The following UBA2 variants were observed in gnomAD, a reference collection of about 807,000 sequenced individuals.
UBA2 encodes SUMO-activating enzyme subunit 2.
In UBA2, 11 loss-of-function variants were observed where a neutral mutation model predicts 77.2. That is an observed-to-expected ratio of 0.14 (90% CI 0.09 to 0.24). UBA2 has a LOEUF of 0.24. UBA2 is among the 10% of genes least tolerant of loss of function. UBA2 has a pLI of 1.00. For missense variants in UBA2, 487 were observed against 781.7 expected (o/e 0.62, Z 4.50); for synonymous variants, 278 against 276.7 (o/e 1.00, Z -0.05).
intron 6 of UBA2, among the ~76,000 whole-genome samples, chr19:34,439,816 T>G (rs534691587): frequency 1.3e-5 from 2 of 151,924 alleles, no homozygotes; most frequent in South Asian, 4.2e-4. Context: ...AGATCCTGTC[T>G]TAAAATGAAG....
chr19:34,452,961 GTTA>G (rs1185301302), intron 10 of UBA2, among the ~76,000 whole-genome samples: 2 of 152,096 alleles, frequency 1.3e-5, no homozygotes, highest in African/African-American at 4.8e-5. Flanking sequence ...TATTTTCATT[GTTA>G]TTGTTATGCT....
At chr19:34,447,651 G>A (rs981197381) in intron 8 of UBA2, among the ~76,000 whole-genome samples, 1 of 152,234 alleles carries the variant, frequency 6.6e-6, no homozygotes, top group African/African-American at 2.4e-5. Context: ...CAGAGTCCTT[G>A]CTCTTTAGAG....
chr19:34,450,148 T>A, intron 8 of UBA2, 117 bp from the exon 9 acceptor site: 1 of 666,824 alleles, frequency 1.5e-6, no homozygotes, highest in South Asian at 1.8e-5. Context: ...GCTGCTGGTA[T>A]ATGACATGTA....
intron 9 of UBA2, among the ~76,000 whole-genome samples, chr19:34,451,536 GTTTTTTTTTTTTTT>G (rs773178552): frequency 1.7e-4 from 11 of 62,944 alleles, no homozygotes; most frequent in South Asian, 7.2e-4. Flanking sequence ...AGGTTTAACA[GTTTTTTTTTTTTTT>G]TTTTTTTTTT....
chr19:34,467,340 C>T (rs774108887), intron 16 of UBA2, among the ~76,000 whole-genome samples: 2 of 151,672 alleles, frequency 1.3e-5, no homozygotes, highest in Non-Finnish European at 2.9e-5. Context: ...CGCATGGTAG[C>T]GTGTACCTGT....
At chr19:34,447,435 T>C (rs1436244205) in intron 8 of UBA2, among the ~76,000 whole-genome samples, 2 of 152,238 alleles carry the variant, frequency 1.3e-5, no homozygotes, top group Admixed American at 6.5e-5. Flanking sequence ...TTGATTATAC[T>C]TAAGATGCCG....
At chr19:34,458,683 G>T in intron 12 of UBA2, 86 bp from the exon 13 acceptor site, 1 of 1,181,528 alleles carries the variant, frequency 8.5e-7, no homozygotes, top group South Asian at 2.3e-5. Context: ...TTTTTTATTG[G>T]ATATCTGGTA....
intron 1 of UBA2, chr19:34,429,029 C>G (rs1248220728): frequency 1.0e-6 from 1 of 985,320 alleles, no homozygotes; most frequent in Non-Finnish European, 1.2e-6. Context: ...GAGCGCTGGT[C>G]ACGAGCGGGT....
intron 8 of UBA2, among the ~76,000 whole-genome samples, 163 bp downstream of exon 8, chr19:34,445,284 A>G (rs1394019328): frequency 3.3e-5 from 5 of 152,102 alleles, no homozygotes; most frequent in African/African-American, 9.7e-5. Flanking sequence ...AGGATATGCA[A>G]GTTTTAAAAT....
chr19:34,460,313 A>T (rs1040298696), intron 13 of UBA2, among the ~76,000 whole-genome samples, 157 bp from the exon 14 acceptor site: 1 of 152,190 alleles, frequency 6.6e-6, no homozygotes, highest in Non-Finnish European at 1.5e-5. Flanking sequence ...GTGAATCCCC[A>T]CGGCTTTCCT....
chr19:34,465,465 C>T (rs962324144), intron 15 of UBA2, among the ~76,000 whole-genome samples: 18 of 151,474 alleles, frequency 1.2e-4, no homozygotes, highest in African/African-American at 1.5e-4. Flanking sequence ...GGTGAAACCC[C>T]GTCTCTACTA....
intron 9 of UBA2, 66 bp downstream of exon 9, chr19:34,450,430 A>G (rs1397974264): frequency 3.6e-6 from 4 of 1,114,244 alleles, no homozygotes; most frequent in Non-Finnish European, 5.1e-6. Flanking sequence ...GTCTTTGTAT[A>G]GCCCTGTTGT....
At position 34,443,898 on chromosome 19, in the gene UBA2, C is replaced by A; in HGVS notation, c.636C>A (p.Asp212Glu). The A allele has an allele frequency of 6.2e-7, 1 of 1,607,386 alleles. No individual in the cohort carries two copies. Among genetic ancestry groups the A allele is most frequent in the Non-Finnish European group, 8.5e-7 (1 of 1,174,172 alleles). The change falls in exon 7 of 17, where the codon GAC becomes GAA. Residue 212 changes from aspartate to glutamate, a missense_variant. Transcript: ENST00000246548. ...ADQEVSPDRA[D>E]PEAAWEPTEA... ...AAGAAGTATCTCCTGACAGAGCTGA[C>A]CCTGAAGCTGCCTGTGAGTAAATTA...
intron 5 of UBA2, 30 bp from the exon 6 acceptor site, chr19:34,438,615 G>C (rs781585024): frequency 1.9e-6 from 3 of 1,610,998 alleles, no homozygotes; most frequent in Non-Finnish European, 2.5e-6. Context: ...CCATCATGGA[G>C]TAAATTTTTC....
At chr19:34,431,244 C>CT (rs1184297228) in intron 2 of UBA2, among the ~76,000 whole-genome samples, 30,797 of 68,336 alleles carry the variant, frequency 0.45, 8,717 homozygotes, top group Middle Eastern at 0.61. Context: ...ATTTTCTTTT[C>CT]TTTTTTTTTT....
chr19:34,447,034 A>G (rs547456937), intron 8 of UBA2, among the ~76,000 whole-genome samples: 3 of 152,292 alleles, frequency 2.0e-5, no homozygotes, highest in African/African-American at 7.2e-5. Context: ...GGGAGTTGAT[A>G]GAGTATTAAT....
At chr19:34,463,242 A>C (rs112139103) in intron 14 of UBA2, among the ~76,000 whole-genome samples, 2 of 152,260 alleles carry the variant, frequency 1.3e-5, no homozygotes, top group African/African-American at 4.8e-5. Flanking sequence ...TCTTTAAAAA[A>C]AATTGATTTG....
In UBA2 at chr19:34,450,313, C is replaced by T. The variant is rs531406361; in HGVS notation, c.820C>T (p.Arg274Trp). The change falls in exon 9 of 17, where the codon CGG becomes TGG. Residue 274 changes from arginine (R) to tryptophan (W), a missense_variant. Around this residue, in one of 9 missense-constraint regions of UBA2, gnomAD observed 300 missense variants for 454.3 expected, o/e 0.66. Coordinates refer to ENST00000246548, the MANE Select transcript of UBA2 (RefSeq NM_005499.3). ...RYLLTMDKLW[R>W]KRKPPVPLDW... ...TCTGTTGACAATGGACAAACTATGG[C>T]GGAAAAGGAAACCTCCAGTTCCGTT... 3.3e-5 allele frequency: 53 copies of T among 1,610,330 alleles called. No individual in the cohort carries two copies. The highest frequency in any genetic ancestry group is 1.2e-4 in the Admixed American group (7 of 58,840).
chr19:34,464,589 G>T (rs2145568557), intron 15 of UBA2, among the ~76,000 whole-genome samples: 1 of 151,128 alleles, frequency 6.6e-6, no homozygotes, highest in Non-Finnish European at 1.5e-5. Flanking sequence ...AGAAATAAAA[G>T]AAATAAGCAA....
Sources: allele counts gnomAD v4.1 joint callset (sites outside exome capture counted in the v4.1 genomes callset), GRCh38; gene constraint gnomAD v4.1.1; regional missense constraint gnomAD v4.1.1; transcripts MANE v1.5; gene names NCBI Gene and HGNC (gene_info 2026-07-23, HGNC 2026-07-21).